The following RASAL2 variants were observed in gnomAD, a reference collection of about 807,000 sequenced individuals.
RASAL2 encodes ras GTPase-activating protein nGAP.
RASAL2 carries 58 observed loss-of-function variants against 128.9 expected under a neutral mutation model. That is an observed-to-expected ratio of 0.45 (90% CI 0.36 to 0.56). RASAL2 has a LOEUF of 0.56. Among genes scored for constraint, RASAL2 ranks in the 20% least tolerant of loss-of-function variants. The pLI is 0.00. For missense variants in RASAL2, 1,360 were observed against 1,601.6 expected, an observed-to-expected ratio of 0.85 and a Z score of 2.57; for synonymous variants, 561 against 580.8, an observed-to-expected ratio of 0.97 and a Z score of 0.49.
intron 3 of RASAL2, among the ~76,000 whole-genome samples, chr1:178,331,655 C>T (rs1410392448): frequency 7.1e-6 from 1 of 140,694 alleles, no homozygotes; most frequent in Non-Finnish European, 1.5e-5. Context: ...GGCGTGATCT[C>T]GGCTCACTGC....
At chr1:178,173,313 A>G (rs886589316) in intron 1 of RASAL2, among the ~76,000 whole-genome samples, 1 of 152,114 alleles carries the variant, frequency 6.6e-6, no homozygotes, top group Non-Finnish European at 1.5e-5. Context: ...CCAGTAAGGC[A>G]GTGTGGTCTG....
At chr1:178,267,244 A>C (rs1485381684) in intron 1 of RASAL2, among the ~76,000 whole-genome samples, 2 of 152,150 alleles carry the variant, frequency 1.3e-5, no homozygotes, top group African/African-American at 2.4e-5. Flanking sequence ...GCATTTACAT[A>C]TCTCTCTTAA....
At position 178,228,123 on chromosome 1, in the gene RASAL2, C is replaced by T. The variant is rs759932313; in HGVS notation, c.203-55441C>T. On this transcript the variant is annotated intron_variant, in intron 1 of 17. Transcript: ENST00000367649. Reference sequence around the variant, plus strand: ...CTTGTCAAATTAAATTTTAGCTAGCCGTGACAGATCTGAGTCTTCACCTTT... The same window carrying T: ...CTTGTCAAATTAAATTTTAGCTAGCTGTGACAGATCTGAGTCTTCACCTTT... Among the ~76,000 whole-genome samples, 7 of 152,170 alleles carry T rather than the reference C, an allele frequency of 4.6e-5. No homozygotes were observed. The East Asian group carries it at 5.8e-4, about 13-fold the overall frequency.
chr1:178,381,500 T>A (rs2102563978), intron 3 of RASAL2, among the ~76,000 whole-genome samples: 1 of 152,318 alleles, frequency 6.6e-6, no homozygotes, highest in Non-Finnish European at 1.5e-5. Flanking sequence ...TGAGTGTAAA[T>A]GATTTTGTTT....
Position 178,458,299 on chromosome 1 carries a change from C to A in RASAL2, c.3007C>A (p.Gln1003Lys), listed in dbSNP as rs752985643. ...ACACATACCTCTTGCTTTGCCACGA[C>A]AAAATAGTACTGGGCAGGCCCAGAT... ...DRHIPLALPR[Q>K]NSTGQAQIRK... The change falls in exon 14 of 18, where the codon CAA (glutamine) becomes AAA (lysine). Residue 1003 changes from glutamine to lysine, a missense_variant. Physicochemically the swap from Gln to Lys is moderately conservative, Grantham distance 53. Transcript: ENST00000367649. 15 of 1,614,122 alleles carry A rather than the reference C, an allele frequency of 9.3e-6. No homozygotes were observed. In the African/African-American group the frequency reaches 1.9e-4, roughly 20 times the overall value.
chr1:178,443,230 G>A lies in RASAL2; in HGVS notation c.1482+1G>A. 6.3e-7 allele frequency: 1 copy of A among 1,595,904 alleles called. No individual in the cohort carries two copies. The highest frequency in any genetic ancestry group is 8.6e-7 in the Non-Finnish European group (1 of 1,165,846). The stretch of plus-strand genomic sequence containing the variant: ...TCTTCAAAGTACTGGCAGAGCCAAG[G>A]TAAGTGGAAAAGGGGGATTGCAGTA... On this transcript the variant is annotated splice_donor_variant, in intron 8 of 17. Transcript: ENST00000367649. LOFTEE classifies it high-confidence loss of function.
intron 5 of RASAL2, among the ~76,000 whole-genome samples, chr1:178,428,756 A>G (rs908207663): frequency 9.9e-5 from 15 of 151,998 alleles, no homozygotes; most frequent in Non-Finnish European, 1.6e-4. Context: ...CACCAGGCCC[A>G]GTTTAAGATA....
chr1:178,329,699 G>A (rs1669198437), intron 3 of RASAL2, among the ~76,000 whole-genome samples: 1 of 151,902 alleles, frequency 6.6e-6, no homozygotes, highest in African/African-American at 2.4e-5. Flanking sequence ...TAATGTATCT[G>A]TCAAGTATAA....
intron 3 of RASAL2, among the ~76,000 whole-genome samples, chr1:178,367,131 TC>T (rs1671444813): frequency 6.6e-6 from 1 of 152,204 alleles, no homozygotes; most frequent in African/African-American, 2.4e-5. Flanking sequence ...CTCGGAGTCT[TC>T]CTGTCTAATT....
chr1:178,431,973 G>A (rs534585685), intron 5 of RASAL2, among the ~76,000 whole-genome samples: 3 of 150,268 alleles, frequency 2.0e-5, no homozygotes, highest in East Asian at 2.0e-4. Context: ...GGGTACCTTC[G>A]TATAAAATAT....
intron 4 of RASAL2, among the ~76,000 whole-genome samples, chr1:178,391,702 T>TA (rs1392337231): frequency 6.6e-6 from 1 of 152,222 alleles, no homozygotes; most frequent in Non-Finnish European, 1.5e-5. Flanking sequence ...ATATTTAACT[T>TA]AGAGTTGTTT....
intron 4 of RASAL2, among the ~76,000 whole-genome samples, chr1:178,400,917 A>G (rs1673585043): frequency 6.6e-6 from 1 of 152,002 alleles, no homozygotes; most frequent in Non-Finnish European, 1.5e-5. Context: ...CGCCTGGCTA[A>G]TTTTTCTATT....
intron 3 of RASAL2, among the ~76,000 whole-genome samples, chr1:178,359,403 A>G (rs1340193249): frequency 6.6e-6 from 1 of 152,228 alleles, no homozygotes; most frequent in Admixed American, 6.5e-5. Context: ...AAGTAAAGCC[A>G]GGAAACTTAA....
chr1:178,345,346 T>C (rs1482649316), intron 3 of RASAL2, among the ~76,000 whole-genome samples: 1 of 152,040 alleles, frequency 6.6e-6, no homozygotes, highest in Non-Finnish European at 1.5e-5. Context: ...TCTTGGAAAA[T>C]AAGCAACTTG....
At chr1:178,224,858 T>C (rs1553261066) in intron 1 of RASAL2, among the ~76,000 whole-genome samples, 1 of 152,154 alleles carries the variant, frequency 6.6e-6, no homozygotes, top group Non-Finnish European at 1.5e-5. Context: ...CACATTTTAA[T>C]GAGAAACTGA....
chr1:178,197,519 G>T (rs1405363166), intron 1 of RASAL2, among the ~76,000 whole-genome samples: 1 of 150,794 alleles, frequency 6.6e-6, no homozygotes, highest in Non-Finnish European at 1.5e-5. Context: ...TGAGGCAGGA[G>T]AATTGCTTGA....
chr1:178,255,277 T>C (rs757496842), intron 1 of RASAL2, among the ~76,000 whole-genome samples: 5 of 152,058 alleles, frequency 3.3e-5, no homozygotes, highest in Non-Finnish European at 7.4e-5. Flanking sequence ...AGAGCTCCAG[T>C]AAAGCTAATT....
intron 4 of RASAL2, among the ~76,000 whole-genome samples, chr1:178,413,042 C>T (rs1314305492): frequency 1.3e-5 from 2 of 148,594 alleles, no homozygotes; most frequent in South Asian, 2.1e-4. Context: ...TCCTTCCTTC[C>T]GTCTGTCCAT....
At chr1:178,369,734 T>C (rs1459094986) in intron 3 of RASAL2, among the ~76,000 whole-genome samples, 1 of 152,216 alleles carries the variant, frequency 6.6e-6, no homozygotes, top group African/African-American at 2.4e-5. Context: ...ATATCTGCAA[T>C]ACATGAAATT....
Sources: allele counts gnomAD v4.1 joint callset (sites outside exome capture counted in the v4.1 genomes callset), GRCh38; gene constraint gnomAD v4.1.1; transcripts MANE v1.5; gene names NCBI Gene and HGNC (gene_info 2026-07-23, HGNC 2026-07-21).